The following PRKN variants were observed in gnomAD, a reference collection of about 807,000 sequenced individuals.
PRKN encodes E3 ubiquitin-protein ligase parkin.
In PRKN, 56 loss-of-function variants were observed where a neutral mutation model predicts 59.5. The observed-to-expected ratio is 0.94, with a 90% CI of 0.76 to 1.18. PRKN has a LOEUF of 1.18. Ranked by LOEUF, PRKN falls within the 50% of genes most tolerant of loss-of-function variation. The pLI, the probability that PRKN is intolerant of heterozygous loss-of-function variation, is 0.00. For synonymous variants in PRKN, 250 were observed against 222.1 expected, an observed-to-expected ratio of 1.13 and a Z score of -1.12; for missense variants, 657 against 596.4, an observed-to-expected ratio of 1.10 and a Z score of -1.06.
intron 4 of PRKN, among the ~76,000 whole-genome samples, chr6:162,160,874 CAG>C (rs1204714498): frequency 2.0e-5 from 2 of 100,436 alleles, no homozygotes; most frequent in Non-Finnish European, 3.6e-5. Context: ...CTGGGCAACA[CAG>C]AGAGACTCCG....
chr6:162,512,930 G>T (rs1434662703), intron 1 of PRKN, among the ~76,000 whole-genome samples: 1 of 152,082 alleles, frequency 6.6e-6, no homozygotes, highest in Non-Finnish European at 1.5e-5. Flanking sequence ...ACTAACTGTT[G>T]GTCAGACGTA....
intron 2 of PRKN, among the ~76,000 whole-genome samples, chr6:162,274,480 G>C (rs543582434): frequency 2.0e-5 from 3 of 152,210 alleles, no homozygotes; most frequent in African/African-American, 7.2e-5. Context: ...GAGCTACTGT[G>C]CCTGGCGTTC....
intron 1 of PRKN, among the ~76,000 whole-genome samples, chr6:162,560,981 T>C (rs1779815374): frequency 1.3e-5 from 2 of 151,878 alleles, no homozygotes; most frequent in Non-Finnish European, 1.5e-5. Flanking sequence ...AAAAGGGTCA[T>C]GTCTGAGTTG....
chr6:162,028,377 A>G (rs1562470570), intron 5 of PRKN, among the ~76,000 whole-genome samples: 1 of 152,174 alleles, frequency 6.6e-6, no homozygotes, highest in Admixed American at 6.5e-5. Flanking sequence ...GTGAAAGCAA[A>G]GTCTGTGCTC....
intron 3 of PRKN, among the ~76,000 whole-genome samples, chr6:162,225,066 G>C (rs775438337): frequency 1.3e-5 from 2 of 152,154 alleles, no homozygotes; most frequent in Non-Finnish European, 2.9e-5. Context: ...AGGCTGGGAA[G>C]TCCAAGATTG....
In PRKN at chr6:161,530,160, C is replaced by A. The variant is rs2115381040; in HGVS notation, c.1083+18694G>T. ...TGGACACTTCTCAAACTCTCCCTCA[C>A]AGGTGTTCCTGGACAGCACAGGAAA... On this transcript the variant is annotated intron_variant, in intron 9 of 11. Coordinates refer to ENST00000366898, the MANE Select transcript of PRKN (RefSeq NM_004562.3). This position sits in a 1 kb window ranked among gnomAD's most constrained non-coding sequence, Gnocchi z 5.0. 6.6e-6 allele frequency among the ~76,000 whole-genome samples: 1 copy of A among 152,300 alleles called. No homozygotes were observed. Among genetic ancestry groups the A allele is most frequent in the Non-Finnish European group, 1.5e-5 (1 of 68,032 alleles).
At chr6:161,735,034 AG>A (rs1295120277) in intron 7 of PRKN, among the ~76,000 whole-genome samples, 2 of 150,268 alleles carry the variant, frequency 1.3e-5, no homozygotes, top group African/African-American at 4.9e-5. Context: ...AAAAAAAAAA[AG>A]CACATGCCCC....
Position 161,714,971 on chromosome 6 carries a change from A to G in PRKN, c.871+70801T>C, listed in dbSNP as rs181105955. 3.9e-5 allele frequency among the ~76,000 whole-genome samples: 6 copies of G among 152,256 alleles called. No individual in the cohort carries two copies. The East Asian group carries it at 1.2e-3, about 29-fold the overall frequency. On this transcript the variant is annotated intron_variant, in intron 7 of 11. Coordinates refer to ENST00000366898, the MANE Select transcript of PRKN (RefSeq NM_004562.3). Reference sequence around the variant, plus strand: ...TCAAATACGGCATCTTAAGGATGCCATATTTGAACGGTATTCTTACCATTA... The same window carrying G: ...TCAAATACGGCATCTTAAGGATGCCGTATTTGAACGGTATTCTTACCATTA...
intron 1 of PRKN, among the ~76,000 whole-genome samples, chr6:162,633,320 A>G (rs1777585562): frequency 6.8e-6 from 1 of 146,790 alleles, no homozygotes; most frequent in Non-Finnish European, 1.5e-5. Flanking sequence ...CTGTAAGCCC[A>G]GTTATTTGGG....
chr6:162,360,014 T>G lies in PRKN; in HGVS notation c.171+83296A>C, dbSNP rs187216863. On this transcript the variant is annotated intron_variant, in intron 2 of 11. Transcript: ENST00000366898. ...CCATGTCATACAATATTTTATAATTTTTCAAATTCTCACTTTTATGTTCTC... is the reference window on the plus strand; with the variant it reads ...CCATGTCATACAATATTTTATAATTGTTCAAATTCTCACTTTTATGTTCTC... 1.2e-3 allele frequency among the ~76,000 whole-genome samples: 178 copies of G among 152,270 alleles called. 1 individual carries two copies. Among genetic ancestry groups the G allele is most frequent in the African/African-American group, 4.1e-3 (171 of 41,566 alleles).
intron 6 of PRKN, among the ~76,000 whole-genome samples, chr6:161,947,602 G>A (rs1467294308): frequency 1.3e-5 from 2 of 152,174 alleles, no homozygotes; most frequent in African/African-American, 2.4e-5. Context: ...ACCTGTCATG[G>A]AACTACATCT....
intron 4 of PRKN, among the ~76,000 whole-genome samples, chr6:162,062,395 A>G (rs985457095): frequency 2.6e-5 from 4 of 152,246 alleles, no homozygotes; most frequent in Non-Finnish European, 4.4e-5. Context: ...AACAAGCCAC[A>G]TAAACACATA....
chr6:161,864,101 C>T (rs1327431397), intron 6 of PRKN, among the ~76,000 whole-genome samples: 19 of 152,068 alleles, frequency 1.2e-4, no homozygotes, highest in Non-Finnish European at 4.4e-5. Flanking sequence ...TACAATAAAA[C>T]GAAGACAAAG....
At chr6:162,540,572 C>T (rs1778889229) in intron 1 of PRKN, among the ~76,000 whole-genome samples, 1 of 152,034 alleles carries the variant, frequency 6.6e-6, no homozygotes, top group Non-Finnish European at 1.5e-5. Context: ...CTCAGGGAGG[C>T]TGAGGCAGGT....
At chr6:162,265,421 T>A (rs1477308771) in intron 2 of PRKN, among the ~76,000 whole-genome samples, 3 of 152,274 alleles carry the variant, frequency 2.0e-5, no homozygotes, top group African/African-American at 7.2e-5. Flanking sequence ...CCAGGCACAG[T>A]AGCTCACCCC....
chr6:161,825,499 T>G (rs1792206543), intron 6 of PRKN, among the ~76,000 whole-genome samples: 1 of 152,172 alleles, frequency 6.6e-6, no homozygotes, highest in Admixed American at 6.5e-5. Context: ...CATGTCCCTT[T>G]CCAGGAAGTG....
At chr6:161,747,269 G>C (rs1788472405) in intron 7 of PRKN, among the ~76,000 whole-genome samples, 1 of 152,094 alleles carries the variant, frequency 6.6e-6, no homozygotes, top group Non-Finnish European at 1.5e-5. Flanking sequence ...TCCTCTCTTT[G>C]GAGATTTCTG....
rs1450107871 is a variant in PRKN at position 161,460,111 on chromosome 6, A to G, written c.1084-73234T>C. ...TGCAGGAATAGTACGAACAAATATAAACAGCAATTGATCCTACCCTCAATA... is the reference window on the plus strand; with the variant it reads ...TGCAGGAATAGTACGAACAAATATAGACAGCAATTGATCCTACCCTCAATA... On this transcript the variant is annotated intron_variant, in intron 9 of 11. Transcript: ENST00000366898. The surrounding 1 kb of genome is among the most constrained non-coding windows in gnomAD (Gnocchi z 5.0). Among the ~76,000 whole-genome samples, 1 of 152,222 alleles carries G rather than the reference A, an allele frequency of 6.6e-6. No homozygotes were observed. The highest frequency in any genetic ancestry group is 2.4e-5 in the African/African-American group (1 of 41,456).
chr6:161,700,365 A>G (rs534470450), intron 7 of PRKN, among the ~76,000 whole-genome samples: 2 of 151,964 alleles, frequency 1.3e-5, no homozygotes, highest in Non-Finnish European at 1.5e-5. Flanking sequence ...GGAAAGTCCA[A>G]TTATTTCTCC....
Sources: gnomAD v4.1 joint callset for allele counts (sites outside exome capture counted in the v4.1 genomes callset) on GRCh38, gnomAD v4.1.1 for gene constraint, Gnocchi (gnomAD v3.1) non-coding constraint, MANE v1.5 for transcripts, NCBI Gene and HGNC (gene_info 2026-07-23, HGNC 2026-07-21) for gene names.